KSR2: variants seen among roughly 807,000 people sequenced by gnomAD.
KSR2 encodes kinase suppressor of ras 2.
KSR2 carries 25 observed loss-of-function variants against 107.8 expected under a neutral mutation model. The ratio of observed to expected loss-of-function variants is 0.23; its 90% CI spans 0.17 to 0.32. KSR2 has a LOEUF of 0.32. Among genes scored for constraint, KSR2 ranks in the 10% least tolerant of loss-of-function variants. The pLI, the probability that KSR2 is intolerant of heterozygous loss-of-function variation, is 1.00. For synonymous variants in KSR2, 480 were observed against 507.0 expected (o/e 0.95, Z 0.71); for missense variants, 887 against 1,268.9 (o/e 0.70, Z 4.57).
At chr12:117,707,369 T>A (rs1220110858) in intron 4 of KSR2, among the ~76,000 whole-genome samples, 1 of 152,246 alleles carries the variant, frequency 6.6e-6, no homozygotes, top group Non-Finnish European at 1.5e-5. Context: ...AACCATTGAA[T>A]TCTATACTTT....
At chr12:117,775,495 TG>T (rs1443402745) in intron 3 of KSR2, among the ~76,000 whole-genome samples, 2 of 152,196 alleles carry the variant, frequency 1.3e-5, no homozygotes, top group African/African-American at 4.8e-5. Flanking sequence ...AACAATCTTG[TG>T]AGATTGAGAG....
chr12:117,589,643 T>C (rs1880207076), intron 5 of KSR2, among the ~76,000 whole-genome samples: 1 of 152,220 alleles, frequency 6.6e-6, no homozygotes, highest in Non-Finnish European at 1.5e-5. Context: ...AGTCACCAGC[T>C]AAAATCCCAC....
intron 4 of KSR2, among the ~76,000 whole-genome samples, chr12:117,744,899 C>T (rs1358828913): frequency 6.6e-6 from 1 of 152,172 alleles, no homozygotes; most frequent in Non-Finnish European, 1.5e-5. Context: ...GTTATATTCA[C>T]AGATTCTGAA....
chr12:117,904,578 A>T lies in KSR2; in HGVS notation c.181-44147T>A, dbSNP rs139906934. ...AGTCCCTTCCGAATATTGGACACCC[A>T]CTATGTGCCAGTATCCTACTAAGTG... On this transcript the variant is annotated intron_variant, in intron 1 of 19. Coordinates refer to ENST00000339824, the MANE Select transcript of KSR2 (RefSeq NM_173598.6). Among the ~76,000 whole-genome samples, 13 of 152,322 alleles carry T rather than the reference A, an allele frequency of 8.5e-5. No homozygotes were observed. In the East Asian group the frequency reaches 2.5e-3, roughly 29 times the overall value.
intron 19 of KSR2, among the ~76,000 whole-genome samples, chr12:117,469,230 A>G (rs937338963): frequency 3.3e-5 from 5 of 152,200 alleles, no homozygotes; most frequent in African/African-American, 1.2e-4. Context: ...TTCATGCAAT[A>G]GAGAATGCTG....
intron 1 of KSR2, among the ~76,000 whole-genome samples, chr12:117,915,515 T>C (rs561433797): frequency 1.6e-4 from 25 of 152,328 alleles, no homozygotes; most frequent in African/African-American, 6.0e-4. Flanking sequence ...ATTCGTTCCT[T>C]TAACTGACAT....
chr12:117,510,598 C>T (rs141701552), intron 14 of KSR2, among the ~76,000 whole-genome samples: 3 of 152,306 alleles, frequency 2.0e-5, no homozygotes, highest in East Asian at 1.9e-4. Context: ...TGCGACAGGC[C>T]GGGAGCAGTG....
intron 5 of KSR2, among the ~76,000 whole-genome samples, chr12:117,620,161 G>A (rs1346644843): frequency 6.6e-6 from 1 of 152,104 alleles, no homozygotes; most frequent in Admixed American, 6.6e-5. Context: ...ACTTGCCTGA[G>A]GTTAATCAGC....
At chr12:117,667,257 A>C (rs1014973649) in intron 5 of KSR2, among the ~76,000 whole-genome samples, 2 of 152,166 alleles carry the variant, frequency 1.3e-5, no homozygotes, top group African/African-American at 4.8e-5. Context: ...CCCCAGCGTC[A>C]GTTATGCCCC....
chr12:117,674,255 C>G lies in KSR2; in HGVS notation c.987-6597G>C, dbSNP rs12822995. The G allele has an allele frequency of 1.4e-5, 7 of 500,892 alleles. 1 individual carries two copies. In the Admixed American group the frequency reaches 1.4e-4, roughly 10 times the overall value. 31.0% of individuals were successfully genotyped at this position (500,892 alleles called of 1,614,324 possible). Reference sequence around the variant, plus strand: ...ACTCTCCATCTCTAGCCCCAATGTTCTGGTCCAAGCCACCACCTTCTTCTC... The same window carrying G: ...ACTCTCCATCTCTAGCCCCAATGTTGTGGTCCAAGCCACCACCTTCTTCTC... On this transcript the variant is annotated intron_variant, in intron 4 of 19. Coordinates refer to ENST00000339824, the MANE Select transcript of KSR2 (RefSeq NM_173598.6).
At chr12:117,648,450 T>C (rs1018001211) in intron 5 of KSR2, among the ~76,000 whole-genome samples, 1 of 152,198 alleles carries the variant, frequency 6.6e-6, no homozygotes, top group Admixed American at 6.5e-5. Context: ...GCATAAGGCA[T>C]TGGGGCTTCA....
At chr12:117,651,936 A>G (rs567564254) in intron 5 of KSR2, among the ~76,000 whole-genome samples, 1 of 152,364 alleles carries the variant, frequency 6.6e-6, no homozygotes, top group South Asian at 2.1e-4. Context: ...TTGGATCCCA[A>G]GGTGGCAAGG....
rs1294960264 is a variant in KSR2, at chr12:117,736,197, G to C, written c.986+24814C>G. 3.3e-5 allele frequency among the ~76,000 whole-genome samples: 5 copies of C among 152,260 alleles called. No individual in the cohort carries two copies. The East Asian group carries it at 9.6e-4, about 29-fold the overall frequency. ...CGGGGCCCTGTTAAAATGTCCCCCA[G>C]GTCATTTATTCACTTTGTTTTCCTT... On this transcript the variant is annotated intron_variant, in intron 4 of 19. Transcript: ENST00000339824.
chr12:117,531,859 G>A (rs1292357868), intron 10 of KSR2, among the ~76,000 whole-genome samples, 152 bp from the exon 11 acceptor site: 1 of 152,132 alleles, frequency 6.6e-6, no homozygotes, highest in African/African-American at 2.4e-5. Context: ...ACAAGGGACT[G>A]CAAACATGTG....
chr12:117,897,887 C>T lies in KSR2; in HGVS notation c.181-37456G>A, dbSNP rs555845759. Among the ~76,000 whole-genome samples the T allele has an allele frequency of 2.2e-4, 33 of 152,274 alleles. No homozygotes were observed. The highest frequency in any genetic ancestry group is 4.1e-4 in the South Asian group (2 of 4,820). On this transcript the variant is annotated intron_variant, in intron 1 of 19. Transcript: ENST00000339824. The surrounding 1 kb of genome is among the most constrained non-coding windows in gnomAD (Gnocchi z 4.5). ...GTTGGCTTGAGAATATAGCCACCCA[C>T]GCGAAATGGTTGGCAGTCTATTGTA...
At position 117,761,507 on chromosome 12, in the gene KSR2, G is replaced by T; in HGVS notation, c.490C>A (p.Gln164Lys). 3.7e-6 allele frequency: 6 copies of T among 1,613,504 alleles called. No individual in the cohort carries two copies. Among genetic ancestry groups the T allele is most frequent in the Non-Finnish European group, 5.1e-6 (6 of 1,179,796 alleles). The change falls in exon 4 of 20, where the codon CAA becomes AAA. Residue 164 changes from glutamine to lysine, a missense_variant. Around this residue, in one of 8 missense-constraint regions of KSR2, gnomAD observed 399 missense variants for 479.5 expected, o/e 0.83. Transcript: ENST00000339824. ...GTGGGCCACTGGATGGTCCAGTCTTGTTTGGAAAGGTTGCCTCCTGAGTTG... is the reference window on the plus strand; with the variant it reads ...GTGGGCCACTGGATGGTCCAGTCTTTTTTGGAAAGGTTGCCTCCTGAGTTG... ...VHMSGGNLSK[Q>K]DWTIQWPTTE...
chr12:117,841,922 C>G (rs1192309346), intron 3 of KSR2, among the ~76,000 whole-genome samples: 2 of 152,238 alleles, frequency 1.3e-5, no homozygotes, highest in Non-Finnish European at 2.9e-5. Flanking sequence ...AGAACTCAAT[C>G]AATATTTGTC....
At chr12:117,877,296 C>A (rs952347014) in intron 1 of KSR2, among the ~76,000 whole-genome samples, 3 of 152,038 alleles carry the variant, frequency 2.0e-5, no homozygotes, top group Admixed American at 6.6e-5. Flanking sequence ...AAGATCGCAC[C>A]ACTGCACTCC....
intron 4 of KSR2, among the ~76,000 whole-genome samples, chr12:117,740,304 AAT>A (rs1374465583): frequency 7.1e-6 from 1 of 141,166 alleles, no homozygotes; most frequent in Admixed American, 7.9e-5. Flanking sequence ...ACATATATAT[AAT>A]ATATATATAC....
Sources: allele counts gnomAD v4.1 joint callset (sites outside exome capture counted in the v4.1 genomes callset), GRCh38; gene constraint gnomAD v4.1.1; regional missense constraint gnomAD v4.1.1; non-coding constraint Gnocchi (gnomAD v3.1); transcripts MANE v1.5; gene names NCBI Gene and HGNC (gene_info 2026-07-23, HGNC 2026-07-21).